Variants in RMND1 observed in about 807,000 individuals in gnomAD.
The protein encoded by RMND1 is required for meiotic nuclear division 1 homolog.
In RMND1, 41 loss-of-function variants were observed where a neutral mutation model predicts 54.0. That is an observed-to-expected ratio of 0.76 (90% confidence interval 0.59 to 0.98). The LOEUF is 0.98. Among genes scored for constraint, RMND1 ranks in the 50% least tolerant of loss-of-function variants. RMND1 has a pLI of 0.00. For missense variants in RMND1, 457 were observed against 532.0 expected (o/e 0.86, Z 1.39); for synonymous variants, 183 against 181.7 (o/e 1.01, Z -0.06).
intron 9 of RMND1, chr6:151,420,959 A>G (rs1780133832): frequency 4.6e-6 from 1 of 217,670 alleles, no homozygotes; most frequent in African/African-American, 2.3e-5. Context: ...AAATTCAGGA[A>G]TATGTCTTTC....
intron 7 of RMND1, among the ~76,000 whole-genome samples, chr6:151,422,895 T>C (rs974760721): frequency 1.3e-5 from 2 of 152,142 alleles, no homozygotes; most frequent in African/African-American, 4.8e-5. Flanking sequence ...AGGGTACACC[T>C]TGATACCATG....
At chr6:151,446,015 T>C (rs552878258) in intron 1 of RMND1, 190 bp from the exon 2 acceptor site, 1 of 541,892 alleles carries the variant, frequency 1.8e-6, no homozygotes, top group East Asian at 3.1e-5. Flanking sequence ...TTTAGCAACA[T>C]TTGGCCTTCT....
intron 2 of RMND1, among the ~76,000 whole-genome samples, chr6:151,438,588 A>G (rs927386551): frequency 6.6e-6 from 1 of 152,180 alleles, no homozygotes; most frequent in Non-Finnish European, 1.5e-5. Context: ...TTGACTTGTC[A>G]ACAATAAACT....
intron 11 of RMND1, among the ~76,000 whole-genome samples, 156 bp downstream of exon 11, chr6:151,405,564 A>G (rs1455313144): frequency 6.6e-6 from 1 of 152,242 alleles, no homozygotes; most frequent in Non-Finnish European, 1.5e-5. Context: ...TGCATTTGCA[A>G]ATAGTAATTT....
At position 151,445,621 on chromosome 6, in the gene RMND1, T is replaced by G. The variant is rs768700645; in HGVS notation, c.191A>C (p.Lys64Thr). Residue 64 changes from lysine (K) to threonine (T), a missense_variant, in exon 2 of 12, where the codon AAG (lysine) becomes ACG (threonine). Lys to Thr is a moderately conservative substitution (Grantham distance 78). Coordinates refer to ENST00000444024, the MANE Select transcript of RMND1 (RefSeq NM_017909.4). ...LPDKTASGLN[K>T]SQILEMNQKK... ...TTGGTTCATTTCCAGGATCTGAGAC[T>G]TATTCAAACCACTAGCTGTTTTATC... 1 of 1,614,216 alleles carries G rather than the reference T, an allele frequency of 6.2e-7. No individual in the cohort carries two copies. The highest frequency in any genetic ancestry group is 1.1e-5 in the South Asian group (1 of 91,086).
chr6:151,422,504 A>C, intron 8 of RMND1, 37 bp downstream of exon 8: 2 of 1,028,550 alleles, frequency 1.9e-6, no homozygotes, highest in Non-Finnish European at 2.8e-6. Context: ...ACATATAAAA[A>C]TCAATCCTTG....
At chr6:151,433,742 G>C (rs1228751973) in intron 3 of RMND1, among the ~76,000 whole-genome samples, 2 of 152,010 alleles carry the variant, frequency 1.3e-5, no homozygotes, top group Non-Finnish European at 2.9e-5. Context: ...TAAAGATACT[G>C]ACCACTTCAA....
At chr6:151,429,538 T>A (rs1430073457) in intron 5 of RMND1, among the ~76,000 whole-genome samples, 1 of 152,230 alleles carries the variant, frequency 6.6e-6, no homozygotes, top group Non-Finnish European at 1.5e-5. Flanking sequence ...TATGGATGAT[T>A]TAACAAACTA....
intron 1 of RMND1, among the ~76,000 whole-genome samples, chr6:151,450,127 C>T (rs1265319170): frequency 1.3e-5 from 2 of 151,558 alleles, no homozygotes; most frequent in East Asian, 2.0e-4. Context: ...AAGTGAGGAG[C>T]GTCTCTGCCC....
chr6:151,410,991 ACT>A (rs1779815181), intron 10 of RMND1, among the ~76,000 whole-genome samples: 1 of 151,964 alleles, frequency 6.6e-6, no homozygotes, highest in South Asian at 2.1e-4. Context: ...GATAAGTCTC[ACT>A]CTGTCACCCA....
At chr6:151,414,587 G>A (rs902166160) in intron 10 of RMND1, among the ~76,000 whole-genome samples, 1 of 152,068 alleles carries the variant, frequency 6.6e-6, no homozygotes, top group African/African-American at 2.4e-5. Flanking sequence ...GGAAGTCTCT[G>A]CAAAGAAACA....
chr6:151,421,963 T>TAA (rs200565929), intron 8 of RMND1, among the ~76,000 whole-genome samples: 4 of 149,468 alleles, frequency 2.7e-5, no homozygotes, highest in African/African-American at 9.8e-5. Flanking sequence ...ATATTAATAT[T>TAA]AAAAAAAAAA....
At chr6:151,450,109 A>C in intron 1 of RMND1, among the ~76,000 whole-genome samples, 1 of 150,058 alleles carries the variant, frequency 6.7e-6, no homozygotes. Flanking sequence ...CTGGCTGCCC[A>C]GTCTGGAAAG....
chr6:151,409,022 T>C (rs1288448823), intron 10 of RMND1: 1 of 152,234 alleles, frequency 6.6e-6, no homozygotes, highest in African/African-American at 2.4e-5. Flanking sequence ...CTGGAAGTAC[T>C]TGTTTTAACA....
intron 8 of RMND1, 75 bp downstream of exon 8, chr6:151,422,466 T>G: frequency 1.4e-6 from 1 of 734,812 alleles, no homozygotes; most frequent in Non-Finnish European, 2.2e-6. Context: ...TAGCTATATA[T>G]TGTTATATTG....
At chr6:151,435,935 T>C (rs1032487603) in intron 3 of RMND1, among the ~76,000 whole-genome samples, 2 of 151,316 alleles carry the variant, frequency 1.3e-5, no homozygotes, top group Non-Finnish European at 2.9e-5. Flanking sequence ...AGAAACACCA[T>C]CTCTACTAAA....
chr6:151,423,124 G>T (rs1470463075), intron 7 of RMND1, among the ~76,000 whole-genome samples: 1 of 152,190 alleles, frequency 6.6e-6, no homozygotes, highest in African/African-American at 2.4e-5. Context: ...TATAGCCACT[G>T]TGACTCTGGG....
At chr6:151,430,052 CCTT>C (rs1780410254) in intron 5 of RMND1, 83 bp downstream of exon 5, 1 of 814,186 alleles carries the variant, frequency 1.2e-6, no homozygotes, top group Non-Finnish European at 2.1e-6. Flanking sequence ...TATTAATTTC[CCTT>C]CTAATGTTTC....
chr6:151,433,231 C>T lies in RMND1; in HGVS notation c.614-1G>A. The T allele has an allele frequency of 1.2e-6, 2 of 1,607,332 alleles. No homozygotes were observed. Among genetic ancestry groups the T allele is most frequent in the Non-Finnish European group, 1.7e-6 (2 of 1,175,350 alleles). On this transcript the variant is annotated splice_acceptor_variant, in intron 3 of 11. Coordinates refer to ENST00000444024, the MANE Select transcript of RMND1 (RefSeq NM_017909.4). LOFTEE classifies it high-confidence loss of function. Reference sequence around the variant, plus strand: ...CCCATCACCAAAATATTTGCTGCATCTGTGATTTAAAATAAACGAACAAAA... The same window carrying T: ...CCCATCACCAAAATATTTGCTGCATTTGTGATTTAAAATAAACGAACAAAA...
Sources: gnomAD v4.1 joint callset for allele counts (sites outside exome capture counted in the v4.1 genomes callset) on GRCh38, gnomAD v4.1.1 for gene constraint, MANE v1.5 for transcripts, NCBI Gene and HGNC (gene_info 2026-07-23, HGNC 2026-07-21) for gene names.